The following MMP16 variants were observed in gnomAD, a reference collection of about 807,000 sequenced individuals.
MMP16 encodes matrix metalloproteinase-16.
MMP16 carries 12 observed loss-of-function variants against 67.8 expected under a neutral mutation model. That is an observed-to-expected ratio of 0.18 (90% CI 0.11 to 0.29). The LOEUF (loss-of-function observed/expected upper bound fraction) is 0.29, where lower values mean the gene tolerates loss of function less well. Among genes scored for constraint, MMP16 ranks in the 10% least tolerant of loss-of-function variants. The pLI is 1.00. For synonymous variants in MMP16, 249 were observed against 255.9 expected (o/e 0.97, Z 0.26); for missense variants, 475 against 765.7 (o/e 0.62, Z 4.48).
chr8:88,063,992 T>G (rs1446335769), intron 7 of MMP16, among the ~76,000 whole-genome samples: 1 of 152,138 alleles, frequency 6.6e-6, no homozygotes, highest in Non-Finnish European at 1.5e-5. Context: ...TCCTCAAAAC[T>G]ATTCATACAT....
At chr8:88,131,002 G>A (rs1418816005) in intron 4 of MMP16, among the ~76,000 whole-genome samples, 2 of 151,698 alleles carry the variant, frequency 1.3e-5, no homozygotes, top group East Asian at 3.9e-4. Flanking sequence ...ATTATGTCTT[G>A]ATTGCAAAGA....
chr8:88,292,390 A>T (rs1208163559), intron 1 of MMP16, among the ~76,000 whole-genome samples: 1 of 152,222 alleles, frequency 6.6e-6, no homozygotes, highest in Non-Finnish European at 1.5e-5. Flanking sequence ...GAGAGTTCAC[A>T]GTAGCCTGAT....
rs1461795378 is a variant in MMP16 at position 88,036,956 on chromosome 8, A to C, written c.*4505T>G. ...TTTATTAGTTTCTGGAAATGATTCCAAAAACTTTAAAATATATATTTTTTC... is the reference window on the plus strand; with the variant it reads ...TTTATTAGTTTCTGGAAATGATTCCCAAAACTTTAAAATATATATTTTTTC... On this transcript the variant is annotated 3_prime_UTR_variant, in exon 10 of 10. Coordinates refer to ENST00000286614, the MANE Select transcript of MMP16 (RefSeq NM_005941.5). 6.6e-6 allele frequency: 1 copy of C among 151,652 alleles called. No homozygotes were observed. Among genetic ancestry groups the C allele is most frequent in the African/African-American group, 2.4e-5 (1 of 41,372 alleles). The allele number at this position is 151,652 out of a possible 1,614,324, so 9.4% of individuals were successfully genotyped here.
intron 1 of MMP16, among the ~76,000 whole-genome samples, chr8:88,228,145 T>C (rs1410700063): frequency 6.6e-6 from 1 of 152,082 alleles, no homozygotes; most frequent in Non-Finnish European, 1.5e-5. Flanking sequence ...AAGGGAGCAC[T>C]GAATCAAGCA....
intron 6 of MMP16, among the ~76,000 whole-genome samples, chr8:88,090,876 T>C (rs1808922233): frequency 6.6e-6 from 1 of 151,862 alleles, no homozygotes; most frequent in Non-Finnish European, 1.5e-5. Flanking sequence ...ACTATTATCC[T>C]CATGAATATA....
At position 88,280,526 on chromosome 8, in the gene MMP16, A is replaced by G. The variant is rs570938103; in HGVS notation, c.132+46549T>C. Among the ~76,000 whole-genome samples, 17 of 152,356 alleles carry G rather than the reference A, an allele frequency of 1.1e-4. No individual in the cohort carries two copies. In the East Asian group the frequency reaches 2.7e-3, roughly 24 times the overall value. On this transcript the variant is annotated intron_variant, in intron 1 of 9. Transcript: ENST00000286614. ...AGATGTGAGTTTAGTGAACATTACA[A>G]TATTTCATTTAATTATATACACAGA... is the stretch of plus-strand genomic sequence containing the variant.
At chr8:88,087,379 G>A (rs1040423001) in intron 6 of MMP16, among the ~76,000 whole-genome samples, 5 of 151,740 alleles carry the variant, frequency 3.3e-5, no homozygotes, top group Non-Finnish European at 4.4e-5. Flanking sequence ...CTTTTTAGCC[G>A]ACTGTCCTGC....
At chr8:88,166,991 G>A (rs1301279258) in intron 4 of MMP16, among the ~76,000 whole-genome samples, 1 of 151,816 alleles carries the variant, frequency 6.6e-6, no homozygotes, top group East Asian at 1.9e-4. Context: ...CGTGAGAGTG[G>A]ATCACCTCCT....
chr8:88,239,962 C>A (rs1241596448), intron 1 of MMP16, among the ~76,000 whole-genome samples: 3 of 152,174 alleles, frequency 2.0e-5, no homozygotes, highest in African/African-American at 7.2e-5. Context: ...ACTTAGATGA[C>A]CTACATACAT....
intron 6 of MMP16, among the ~76,000 whole-genome samples, chr8:88,091,365 G>A (rs974641596): frequency 5.9e-5 from 9 of 151,690 alleles, no homozygotes; most frequent in African/African-American, 1.7e-4. Flanking sequence ...AATTGTGACC[G>A]TGAGGACAAA....
intron 6 of MMP16, among the ~76,000 whole-genome samples, chr8:88,115,613 A>T (rs1809415540): frequency 6.6e-6 from 1 of 152,106 alleles, no homozygotes; most frequent in African/African-American, 2.4e-5. Flanking sequence ...CATAGACAGT[A>T]TGTAAGTAGA....
chr8:88,119,978 G>A (rs567624052), intron 4 of MMP16, among the ~76,000 whole-genome samples: 1 of 151,988 alleles, frequency 6.6e-6, no homozygotes, highest in Admixed American at 6.6e-5. Flanking sequence ...GAACCCAAAA[G>A]CCAGGCGAAA....
At position 88,118,759 on chromosome 8, in the gene MMP16, A is replaced by G; in HGVS notation, c.812T>C (p.Met271Thr). The G allele has an allele frequency of 6.2e-7, 1 of 1,613,466 alleles. No homozygotes were observed. The highest frequency in any genetic ancestry group is 8.5e-7 in the Non-Finnish European group (1 of 1,179,588). The stretch of plus-strand genomic sequence containing the variant: ...AGGTAGTTTGAAGTTGTCTGTTTCC[A>G]TGTACTGGTAAAATGGAGCCATGAT... ...TAIMAPFYQY[M>T]ETDNFKLPND... The change falls in exon 5 of 10, where the codon ATG (methionine) becomes ACG (threonine). Residue 271 changes from methionine to threonine, a missense_variant. Met to Thr is a moderately conservative substitution (Grantham distance 81). Around this residue, in one of 5 missense-constraint regions of MMP16, gnomAD observed 195 missense variants for 300.9 expected, o/e 0.65. Transcript: ENST00000286614.
At chr8:88,169,961 T>C (rs1054653119) in intron 3 of MMP16, among the ~76,000 whole-genome samples, 9 of 152,202 alleles carry the variant, frequency 5.9e-5, no homozygotes, top group African/African-American at 2.2e-4. Context: ...TGAAAATATA[T>C]TGACGTAGGG....
intron 1 of MMP16, among the ~76,000 whole-genome samples, chr8:88,302,563 G>A (rs948205347): frequency 2.0e-5 from 3 of 151,904 alleles, no homozygotes; most frequent in African/African-American, 7.3e-5. Flanking sequence ...CTAATTTTCC[G>A]GAGACACGAA....
At chr8:88,260,318 T>G (rs1563576396) in intron 1 of MMP16, among the ~76,000 whole-genome samples, 1 of 152,178 alleles carries the variant, frequency 6.6e-6, no homozygotes, top group Non-Finnish European at 1.5e-5. Flanking sequence ...TTTGTTTTGT[T>G]TTTTACAAAA....
intron 6 of MMP16, among the ~76,000 whole-genome samples, chr8:88,104,074 C>T (rs28906374): frequency 0.024 from 3,659 of 151,722 alleles, 149 homozygotes; most frequent in African/African-American, 0.083. Context: ...AGTATGGCTT[C>T]ACCATCACTT....
intron 4 of MMP16, among the ~76,000 whole-genome samples, chr8:88,157,164 C>T (rs1563548691): frequency 6.6e-6 from 1 of 152,132 alleles, no homozygotes; most frequent in East Asian, 1.9e-4. Flanking sequence ...AGTCAATCAA[C>T]CATGGATTGA....
chr8:88,130,257 G>T (rs1053726397), intron 4 of MMP16, among the ~76,000 whole-genome samples: 1 of 151,790 alleles, frequency 6.6e-6, no homozygotes, highest in Non-Finnish European at 1.5e-5. Flanking sequence ...TAGTAAAGTA[G>T]TGGACTTTAA....
Sources: gnomAD v4.1 joint callset for allele counts (sites outside exome capture counted in the v4.1 genomes callset) on GRCh38, gnomAD v4.1.1 for gene constraint, gnomAD v4.1.1 regional missense constraint, MANE v1.5 for transcripts, NCBI Gene and HGNC (gene_info 2026-07-23, HGNC 2026-07-21) for gene names.